The following CDK13 variants were observed in gnomAD, a reference collection of about 807,000 sequenced individuals.
The protein encoded by CDK13 is cyclin dependent kinase 13, also known as cyclin-dependent kinase 13.
A neutral mutation model predicts 137.6 loss-of-function variants in CDK13; 40 were observed. The observed-to-expected ratio is 0.29, with a 90% CI of 0.23 to 0.38. The LOEUF (loss-of-function observed/expected upper bound fraction) is 0.38. CDK13 is among the 10% of genes least tolerant of loss of function. The pLI is 1.00. For synonymous variants in CDK13, 869 were observed against 760.1 expected (o/e 1.14, Z -2.36); for missense variants, 1,704 against 1,951.8 (o/e 0.87, Z 2.39).
Position 40,093,131 on chromosome 7 carries a change from G to A in CDK13, c.3582G>A (p.Gln1194=). Residue 1194 remains glutamine (Q), a synonymous_variant, in exon 13 of 14, where the codon CAG becomes CAA. Coordinates refer to ENST00000181839, the MANE Select transcript of CDK13 (RefSeq NM_003718.5). ...AVLLTQLIKA[Q]QSKQKDVLLE... ...TGTTGACTCAGTTAATAAAGGCTCA[G>A]CAGTCAAAGCAGAAAGATGTGCTAC... 6.2e-7 allele frequency: 1 copy of A among 1,614,176 alleles called. No homozygotes were observed. The highest frequency in any genetic ancestry group is 1.3e-5 in the African/African-American group (1 of 75,030).
At chr7:39,961,368 AACT>A in intron 1 of CDK13, among the ~76,000 whole-genome samples, 1 of 152,292 alleles carries the variant, frequency 6.6e-6, no homozygotes, top group South Asian at 2.1e-4. Flanking sequence ...CAAACAAAAA[AACT>A]ACTGTTTTGT....
intron 1 of CDK13, among the ~76,000 whole-genome samples, chr7:39,975,381 C>A (rs1327941418): frequency 6.6e-6 from 1 of 151,996 alleles, no homozygotes; most frequent in Admixed American, 6.6e-5. Flanking sequence ...CACTGCACTC[C>A]AGCCTGGGCA....
intron 5 of CDK13, among the ~76,000 whole-genome samples, chr7:40,039,513 C>T (rs1235867065): frequency 1.3e-5 from 2 of 148,564 alleles, no homozygotes; most frequent in Non-Finnish European, 1.5e-5. Context: ...CTCACTGCAA[C>T]CTCCACTTCC....
Position 39,987,867 on chromosome 7 carries a change from A to C in CDK13, c.1480A>C (p.Thr494Pro). ...AKAAKASNTS[T>P]PTKGNTETSA... ...GGCTGCAAAAGCTTCAAACACTTCT[A>C]CACCTACCAAGGGGAACACGGAAAC... Residue 494 changes from threonine (T) to proline (P), a missense_variant, in exon 2 of 14, where the codon ACA becomes CCA. Thr to Pro is a conservative substitution (Grantham distance 38, BLOSUM62 -1). Coordinates refer to ENST00000181839, the MANE Select transcript of CDK13 (RefSeq NM_003718.5). 13 of 1,614,244 alleles carry C rather than the reference A, an allele frequency of 8.1e-6. No homozygotes were observed. Among genetic ancestry groups the C allele is most frequent in the Non-Finnish European group, 1.1e-5 (13 of 1,180,034 alleles).
At chr7:39,958,509 T>G (rs2116116171) in intron 1 of CDK13, among the ~76,000 whole-genome samples, 1 of 152,268 alleles carries the variant, frequency 6.6e-6, no homozygotes, top group Admixed American at 6.5e-5. Context: ...TTTTCTAGAC[T>G]TTTTTATGCA....
At chr7:40,058,949 A>G (rs1307688935) in intron 7 of CDK13, among the ~76,000 whole-genome samples, 2 of 152,156 alleles carry the variant, frequency 1.3e-5, no homozygotes, top group Non-Finnish European at 2.9e-5. Context: ...AAAGAAGTAC[A>G]TGGGGGGGTT....
chr7:40,007,923 G>A (rs1448108761), intron 5 of CDK13, among the ~76,000 whole-genome samples: 3 of 152,078 alleles, frequency 2.0e-5, no homozygotes, highest in African/African-American at 7.2e-5. Context: ...GTTAAAGGTG[G>A]GTGCAGTTTG....
intron 5 of CDK13, among the ~76,000 whole-genome samples, chr7:40,038,089 A>C (rs1486945038): frequency 6.6e-6 from 1 of 152,208 alleles, no homozygotes; most frequent in Non-Finnish European, 1.5e-5. Flanking sequence ...CATTCAGAAT[A>C]GTGTCACTTC....
chr7:40,059,018 C>T (rs1357230703), intron 7 of CDK13, among the ~76,000 whole-genome samples: 1 of 151,998 alleles, frequency 6.6e-6, no homozygotes, highest in Non-Finnish European at 1.5e-5. Flanking sequence ...AAAAATGAAA[C>T]ATTTTAGAGC....
chr7:40,054,343 G>T (rs1198622814), intron 7 of CDK13, among the ~76,000 whole-genome samples: 1 of 152,060 alleles, frequency 6.6e-6, no homozygotes, highest in African/African-American at 2.4e-5. Context: ...AATATCTAAT[G>T]AGAAATCTAT....
intron 2 of CDK13, among the ~76,000 whole-genome samples, 195 bp from the exon 3 acceptor site, chr7:39,997,299 T>C (rs1423341807): frequency 1.3e-5 from 2 of 152,144 alleles, no homozygotes; most frequent in African/African-American, 2.4e-5. Flanking sequence ...TTCTATATCA[T>C]TTTTACTCCA....
At chr7:40,019,570 A>T (rs1443045943) in intron 5 of CDK13, among the ~76,000 whole-genome samples, 2 of 151,978 alleles carry the variant, frequency 1.3e-5, no homozygotes, top group Non-Finnish European at 2.9e-5. Flanking sequence ...GATGAAGCCC[A>T]CCCACATTGT....
intron 9 of CDK13, among the ~76,000 whole-genome samples, chr7:40,077,009 C>T (rs576956611): frequency 3.5e-4 from 35 of 99,628 alleles, no homozygotes; most frequent in African/African-American, 1.5e-3. Flanking sequence ...AAATGTTTAC[C>T]AGCTGGAGTT....
At chr7:40,070,860 C>T (rs1786406133) in intron 9 of CDK13, 1 of 152,100 alleles carries the variant, frequency 6.6e-6, no homozygotes, top group Non-Finnish European at 1.5e-5. Context: ...TCACATTACC[C>T]TAAGCCTTCT....
At chr7:40,056,856 G>T (rs545440712) in intron 7 of CDK13, among the ~76,000 whole-genome samples, 1 of 152,358 alleles carries the variant, frequency 6.6e-6, no homozygotes, top group South Asian at 2.1e-4. Flanking sequence ...GCAACTGGAT[G>T]AATGATTTGT....
intron 2 of CDK13, among the ~76,000 whole-genome samples, chr7:39,993,717 G>C (rs1326947700): frequency 1.3e-5 from 2 of 151,972 alleles, no homozygotes; most frequent in Admixed American, 1.3e-4. Context: ...TTCTTCTGTT[G>C]ATTAATGGAT....
chr7:40,070,633 A>T (rs1252551991), intron 9 of CDK13: 1 of 118,910 alleles, frequency 8.4e-6, no homozygotes, highest in Non-Finnish European at 1.5e-5. Context: ...AATCGCTTGA[A>T]CCTGGAAGGT....
chr7:40,047,695 T>G (rs17538076), intron 6 of CDK13, 126 bp from the exon 7 acceptor site: 8 of 620,230 alleles, frequency 1.3e-5, no homozygotes, highest in Non-Finnish European at 2.3e-5. Flanking sequence ...GATATTGCAG[T>G]GTGAGCAGAG....
intron 7 of CDK13, among the ~76,000 whole-genome samples, chr7:40,052,527 T>A (rs1353213944): frequency 1.3e-5 from 2 of 152,130 alleles, no homozygotes; most frequent in African/African-American, 4.8e-5. Context: ...GAAAGTTTTT[T>A]AAACAATAAC....
Sources: gnomAD v4.1 joint callset for allele counts (sites outside exome capture counted in the v4.1 genomes callset) on GRCh38, gnomAD v4.1.1 for gene constraint, MANE v1.5 for transcripts, NCBI Gene and HGNC (gene_info 2026-07-23, HGNC 2026-07-21) for gene names.